PGPEP1L: variants seen among roughly 807,000 people sequenced by gnomAD.
PGPEP1L encodes pyroglutamyl-peptidase 1-like protein.
A neutral mutation model predicts 6.0 loss-of-function variants in PGPEP1L; 7 were observed. The ratio of observed to expected loss-of-function variants is 1.17; its 90% CI spans 0.66 to 2.19. The LOEUF (loss-of-function observed/expected upper bound fraction) is 2.19. Among genes scored for constraint, PGPEP1L ranks in the 30% most tolerant of loss-of-function variants. The pLI, the probability that PGPEP1L is intolerant of heterozygous loss-of-function variation, is 0.00. For missense variants in PGPEP1L, 209 were observed against 192.5 expected (o/e 1.09, Z -0.51); for synonymous variants, 103 against 83.9 (o/e 1.23, Z -1.24).
rs60484400 is a variant in PGPEP1L, at chr15:98,978,706, G to GTA, written c.-141-7550_-141-7549dup. 5.4e-3 allele frequency among the ~76,000 whole-genome samples: 490 copies of GTA among 90,546 alleles called. 8 individuals are homozygous for GTA. Among genetic ancestry groups the GTA allele is most frequent in the East Asian group, 0.02 (61 of 2,982 alleles). 59.4% of individuals were successfully genotyped at this position (90,546 alleles called of 152,430 possible). ...GTCTTTTTCTCTAGCATTAGACTGT[G>GTA]TATATATATATATATATATATTTTT... On this transcript the variant is annotated intron_variant, in intron 2 of 4. Transcript: ENST00000535714.
intron 2 of PGPEP1L, among the ~76,000 whole-genome samples, chr15:98,994,493 A>C (rs1555472324): frequency 6.6e-6 from 1 of 151,962 alleles, no homozygotes. Context: ...GCCTCTAATA[A>C]AAAATAAAAA....
chr15:99,005,946 C>T (rs1555473563), intron 1 of PGPEP1L, among the ~76,000 whole-genome samples: 2 of 152,100 alleles, frequency 1.3e-5, no homozygotes, highest in Non-Finnish European at 2.9e-5. Flanking sequence ...CTTTAGTAAT[C>T]CCTGCCAGAG....
intron 2 of PGPEP1L, among the ~76,000 whole-genome samples, 161 bp downstream of exon 2, chr15:99,005,261 TAGGGCAC>T (rs2018034782): frequency 6.6e-6 from 1 of 152,224 alleles, no homozygotes; most frequent in Non-Finnish European, 1.5e-5. Flanking sequence ...TGTTTATTAA[TAGGGCAC>T]AGCAGCAAGT....
intron 2 of PGPEP1L, among the ~76,000 whole-genome samples, chr15:98,997,012 C>T (rs1375438794): frequency 1.3e-5 from 2 of 152,122 alleles, no homozygotes; most frequent in African/African-American, 2.4e-5. Context: ...TCTTGGGTCT[C>T]GCAGCTTGCC....
chr15:98,979,852 A>G (rs1028499622), intron 2 of PGPEP1L, among the ~76,000 whole-genome samples: 21 of 151,848 alleles, frequency 1.4e-4, no homozygotes, highest in African/African-American at 4.8e-4. Context: ...GTTTTACCAT[A>G]TTGACCAGGC....
intron 2 of PGPEP1L, among the ~76,000 whole-genome samples, chr15:98,971,902 G>T (rs1489517485): frequency 2.6e-5 from 4 of 152,222 alleles, no homozygotes; most frequent in Non-Finnish European, 5.9e-5. Flanking sequence ...AAAAATGTGG[G>T]TGAAGGTTGG....
chr15:99,002,069 T>C (rs558934884), intron 2 of PGPEP1L, among the ~76,000 whole-genome samples: 12 of 152,270 alleles, frequency 7.9e-5, no homozygotes, highest in Admixed American at 7.2e-4. Flanking sequence ...TGGAGTGTAG[T>C]ACCACGATCA....
intron 2 of PGPEP1L, among the ~76,000 whole-genome samples, chr15:98,988,192 A>AC (rs201484155): frequency 0.019 from 2,897 of 152,078 alleles, 102 homozygotes; most frequent in African/African-American, 0.067. Context: ...AAGTGGTCTG[A>AC]CTCAGTGGGT....
chr15:98,996,880 G>T (rs1292071118), intron 2 of PGPEP1L, among the ~76,000 whole-genome samples: 1 of 152,136 alleles, frequency 6.6e-6, no homozygotes, highest in African/African-American at 2.4e-5. Context: ...AATTATATCT[G>T]TGAGCACTGG....
At chr15:98,989,772 T>C (rs1333856751) in intron 2 of PGPEP1L, among the ~76,000 whole-genome samples, 1 of 152,122 alleles carries the variant, frequency 6.6e-6, no homozygotes, top group African/African-American at 2.4e-5. Flanking sequence ...ATCAGACTAA[T>C]AGCGAATCTC....
chr15:99,004,309 T>TGA (rs2151767838), intron 2 of PGPEP1L, among the ~76,000 whole-genome samples: 1 of 151,980 alleles, frequency 6.6e-6, no homozygotes, highest in South Asian at 2.1e-4. Context: ...CTCCAGAGGC[T>TGA]GAGGTGGGAG....
At chr15:98,987,165 CAAAAAAAAAAAAAAAAAA>C (rs57923635) in intron 2 of PGPEP1L, among the ~76,000 whole-genome samples, 2 of 33,384 alleles carry the variant, frequency 6.0e-5, no homozygotes, top group African/African-American at 1.1e-4. Flanking sequence ...GACTCCATCT[CAAAAAAAAAAAAAAAAAA>C]AAAAAAAAAA....
intron 2 of PGPEP1L, among the ~76,000 whole-genome samples, chr15:98,974,998 T>C (rs148423982): frequency 6.6e-6 from 1 of 152,280 alleles, no homozygotes; most frequent in African/African-American, 2.4e-5. Context: ...AATCAGTATA[T>C]CAGAAAGATA....
chr15:99,006,802 A>G (rs1555473703), intron 1 of PGPEP1L, among the ~76,000 whole-genome samples: 1 of 151,230 alleles, frequency 6.6e-6, no homozygotes, highest in Non-Finnish European at 1.5e-5. Context: ...TGTCTCTAAA[A>G]ATATTCTTAA....
intron 2 of PGPEP1L, among the ~76,000 whole-genome samples, chr15:98,977,268 CTTCT>C (rs2017583899): frequency 6.6e-6 from 1 of 152,068 alleles, no homozygotes; most frequent in African/African-American, 2.4e-5. Context: ...TATTACCTTT[CTTCT>C]GCTTAGTTTA....
chr15:98,982,700 CTTTTTTTTTTTTTT>C lies in PGPEP1L; in HGVS notation c.-141-11556_-141-11543del, dbSNP rs369749842. ...TCACTCTGGTTATTTTTATCTGAGG[CTTTTTTTTTTTTTT>C]TTTTTTTTTTTTTTGAGACAGAGTC... On this transcript the variant is annotated intron_variant, in intron 2 of 4. Coordinates refer to ENST00000535714, the MANE Select transcript of PGPEP1L (RefSeq NM_001167902.2). 2.6e-3 allele frequency among the ~76,000 whole-genome samples: 137 copies of C among 52,512 alleles called. 3 individuals carry two copies. Among genetic ancestry groups the C allele is most frequent in the Non-Finnish European group, 3.3e-3 (80 of 23,890 alleles). The allele number at this position is 52,512 out of a possible 152,430, so 34.4% of individuals were successfully genotyped here.
intron 2 of PGPEP1L, among the ~76,000 whole-genome samples, chr15:98,977,345 TATA>T (rs2017585234): frequency 2.0e-5 from 3 of 152,372 alleles, no homozygotes; most frequent in African/African-American, 7.2e-5. Flanking sequence ...TTTCTTCTGC[TATA>T]ATATTGTTTA....
Position 98,969,686 on chromosome 15 carries a change from A to G in PGPEP1L, c.-18-35T>C, listed in dbSNP as rs372342282. The G allele has an allele frequency of 3.2e-5, 51 of 1,596,506 alleles. No individual in the cohort carries two copies. The African/African-American group carries it at 6.3e-4, about 20-fold the overall frequency. On this transcript the variant is annotated intron_variant, in intron 3 of 4. Transcript: ENST00000535714. ...CGGGTAACAGCAGAGAGAACCCAGG[A>G]AAACGAGGCCCACCCTGCTCACCAA... is the stretch of plus-strand genomic sequence containing the variant.
chr15:98,999,813 AC>A (rs2017935061), intron 2 of PGPEP1L, among the ~76,000 whole-genome samples: 1 of 152,290 alleles, frequency 6.6e-6, no homozygotes, highest in African/African-American at 2.4e-5. Context: ...TATAATCCAC[AC>A]AATGAAATAT....
Sources: gnomAD v4.1 joint callset for allele counts (sites outside exome capture counted in the v4.1 genomes callset) on GRCh38, gnomAD v4.1.1 for gene constraint, MANE v1.5 for transcripts, NCBI Gene and HGNC (gene_info 2026-07-23, HGNC 2026-07-21) for gene names.